REM1: variants seen among roughly 807,000 people sequenced by gnomAD.
REM1 encodes the protein RRAD and GEM like GTPase 1.
In REM1, 20 loss-of-function variants were observed where a neutral mutation model predicts 27.0. The ratio of observed to expected loss-of-function variants is 0.74; its 90% CI spans 0.52 to 1.08. The LOEUF (loss-of-function observed/expected upper bound fraction) is 1.08, where lower values mean the gene tolerates loss of function less well. REM1 is among the 50% of genes least tolerant of loss of function. The probability of loss-of-function intolerance (pLI) is 0.00; values close to 1 mark genes in which losing one functional copy is unlikely to be tolerated. For synonymous variants in REM1, 159 were observed against 167.9 expected, an observed-to-expected ratio of 0.95 and a Z score of 0.41; for missense variants, 405 against 407.0, an observed-to-expected ratio of 1.00 and a Z score of 0.04.
At chr20:31,480,242 C>G (rs1407222612) in intron 3 of REM1, among the ~76,000 whole-genome samples, 68 of 53,816 alleles carry the variant, frequency 1.3e-3, no homozygotes, top group African/African-American at 4.1e-3. Context: ...CAGATACATA[C>G]ATACACACAT....
intron 3 of REM1, 33 bp downstream of exon 3, chr20:31,477,943 G>C (rs1456394306): frequency 1.4e-6 from 2 of 1,404,396 alleles, no homozygotes; most frequent in South Asian, 1.2e-5. Flanking sequence ...TGGGGAGAGG[G>C]GTGCTGAGCC....
intron 4 of REM1, 103 bp from the exon 5 acceptor site, chr20:31,484,056 C>A: frequency 7.6e-7 from 1 of 1,307,838 alleles, no homozygotes; most frequent in Non-Finnish European, 1.0e-6. Flanking sequence ...GGCATGAGCA[C>A]AGGAAAAATT....
chr20:31,481,527 T>G (rs913460675), intron 3 of REM1, among the ~76,000 whole-genome samples: 2 of 152,104 alleles, frequency 1.3e-5, no homozygotes, highest in African/African-American at 4.8e-5. Flanking sequence ...ACTGGTACTT[T>G]CACACTACAC....
At position 31,476,524 on chromosome 20, in the gene REM1, G is replaced by C; in HGVS notation, c.79G>C (p.Gly27Arg). ...CACCCCACTGCCCCTGTCCCCACGG[G>C]GCCACCAGCCTGGCCGCCTGAGCAC... ...ASTPLPLSPRGHQPGRLSTVP... is the reference protein window; with the variant it reads ...ASTPLPLSPRRHQPGRLSTVP... Residue 27 changes from glycine (G) to arginine (R), a missense_variant, in exon 2 of 5, where the codon GGC (glycine) becomes CGC (arginine). Coordinates refer to ENST00000201979, the MANE Select transcript of REM1 (RefSeq NM_014012.6). The C allele has an allele frequency of 6.2e-7, 1 of 1,613,986 alleles. No homozygotes were observed. Among genetic ancestry groups the C allele is most frequent in the Non-Finnish European group, 8.5e-7 (1 of 1,179,962 alleles).
chr20:31,481,676 CAA>C (rs1980740393), intron 3 of REM1, among the ~76,000 whole-genome samples: 1 of 152,160 alleles, frequency 6.6e-6, no homozygotes, highest in South Asian at 2.1e-4. Flanking sequence ...GATCACCATC[CAA>C]AATATCAAAA....
rs78423334 is a variant in REM1 at position 31,481,832 on chromosome 20, G to C, written c.424-455G>C. On this transcript the variant is annotated intron_variant, in intron 3 of 4. Coordinates refer to ENST00000201979, the MANE Select transcript of REM1 (RefSeq NM_014012.6). ...CATCTTCAAAACTGTCCTGAAAAAT[G>C]CCTTCCCTCTAAAGTCAGCCTCCTG... Among the ~76,000 whole-genome samples the C allele has an allele frequency of 2.2e-4, 34 of 152,286 alleles. No homozygotes were observed. The East Asian group carries it at 6.0e-3, about 27-fold the overall frequency.
chr20:31,484,239 T>A lies in REM1; in HGVS notation c.706T>A (p.Phe236Ile), dbSNP rs749183464. 235 of 1,606,760 alleles carry A rather than the reference T, an allele frequency of 1.5e-4. 1 individual carries two copies. Among genetic ancestry groups the A allele is most frequent in the Non-Finnish European group, 1.9e-4 (225 of 1,177,790 alleles). ...GCTGCAGCACAATGTGGCCGAGCTC[T>A]TCGAGGGCGTGGTGCGCCAACTGCG... Reference protein sequence around the residue: ...ATLQHNVAELFEGVVRQLRLR... With the variant: ...ATLQHNVAELIEGVVRQLRLR... Residue 236 changes from phenylalanine to isoleucine, a missense_variant, in exon 5 of 5, where the codon TTC (phenylalanine) becomes ATC (isoleucine). By Grantham distance (21) the Phe-to-Ile change is conservative. Coordinates refer to ENST00000201979, the MANE Select transcript of REM1 (RefSeq NM_014012.6).
At chr20:31,478,903 C>T (rs183604676) in intron 3 of REM1, among the ~76,000 whole-genome samples, 32 of 151,376 alleles carry the variant, frequency 2.1e-4, no homozygotes, top group African/African-American at 2.9e-4. Flanking sequence ...GGCGCCATCT[C>T]GGCTCACTGC....
intron 3 of REM1, among the ~76,000 whole-genome samples, chr20:31,480,188 AAGATAGATAGATAGATAGAT>A (rs11467647): frequency 3.3e-5 from 5 of 150,052 alleles, no homozygotes; most frequent in Non-Finnish European, 5.9e-5. Context: ...CATCTCAATA[AAGATAGATAGATAGATAGAT>A]AGATAGATAG....
intron 2 of REM1, 67 bp downstream of exon 2, chr20:31,476,852 G>T: frequency 7.5e-7 from 1 of 1,338,268 alleles, no homozygotes; most frequent in African/African-American, 1.5e-5. Flanking sequence ...CAGGGACACA[G>T]GGCTGCCAAG....
At chr20:31,483,564 G>A (rs899978393) in intron 4 of REM1, among the ~76,000 whole-genome samples, 1 of 152,154 alleles carries the variant, frequency 6.6e-6, no homozygotes, top group African/African-American at 2.4e-5. Context: ...TTTACAATGG[G>A]ATGGGGACTA....
chr20:31,482,595 C>G (rs1980776227), intron 4 of REM1, 107 bp downstream of exon 4: 1 of 1,108,276 alleles, frequency 9.0e-7, no homozygotes, highest in East Asian at 2.6e-5. Context: ...TGCCCCTACC[C>G]TGCAGCCACT....
chr20:31,484,140 C>T lies in REM1; in HGVS notation c.626-19C>T, dbSNP rs774872348. The T allele has an allele frequency of 6.4e-6, 10 of 1,555,058 alleles. No individual in the cohort carries two copies. Among genetic ancestry groups the T allele is most frequent in the Admixed American group, 3.7e-5 (2 of 54,056 alleles). On this transcript the variant is annotated intron_variant, in intron 4 of 4. Transcript: ENST00000201979. Reference sequence around the variant, plus strand: ...TCCGTTATGGCTCCACCCCTCCTCGCCGGGCCCCGCCCCCTTAGAGGGCCG... The same window carrying T: ...TCCGTTATGGCTCCACCCCTCCTCGTCGGGCCCCGCCCCCTTAGAGGGCCG...
rs1370115811 is a variant in REM1 at position 31,484,441 on chromosome 20, C to G, written c.*11C>G. 1 of 1,474,710 alleles carries G rather than the reference C, an allele frequency of 6.8e-7. No individual in the cohort carries two copies. The highest frequency in any genetic ancestry group is 9.0e-7 in the Non-Finnish European group (1 of 1,111,078). The allele number at this position is 1,474,710 out of a possible 1,614,324, so 91.4% of individuals were successfully genotyped here. On this transcript the variant is annotated 3_prime_UTR_variant, in exon 5 of 5. Transcript: ENST00000201979. Reference sequence around the variant, plus strand: ...CTGGCCGTGCTCTGAAGCCCCCCGCCCTTCTGAGAGTTGGCGGGTCACTGA... The same window carrying G: ...CTGGCCGTGCTCTGAAGCCCCCCGCGCTTCTGAGAGTTGGCGGGTCACTGA...
chr20:31,476,936 C>T, intron 2 of REM1, 151 bp downstream of exon 2: 1 of 659,178 alleles, frequency 1.5e-6, no homozygotes, highest in South Asian at 2.1e-5. Flanking sequence ...GCACGATGCC[C>T]CCCCGCCCTC....
Position 31,484,511 on chromosome 20 carries a change from C to T in REM1, c.*81C>T. ...GGACGCCACTGCGGGGCAAAGGCGC[C>T]GTTACCTGGAGTCTGCATCATGGGT... On this transcript the variant is annotated 3_prime_UTR_variant, in exon 5 of 5. Transcript: ENST00000201979. The T allele has an allele frequency of 2.8e-6, 4 of 1,410,186 alleles. No homozygotes were observed. The highest frequency in any genetic ancestry group is 3.7e-6 in the Non-Finnish European group (4 of 1,076,196). 87.4% of individuals were successfully genotyped at this position (1,410,186 alleles called of 1,614,324 possible). A position where few individuals can be genotyped will look rare whatever the true frequency, so the allele number is the denominator to read the frequency against.
In REM1 at chr20:31,484,298, C is replaced by G; in HGVS notation, c.765C>G (p.Pro255=). 6.3e-7 allele frequency: 1 copy of G among 1,585,694 alleles called. No individual in the cohort carries two copies. Residue 255 remains proline, a synonymous_variant, in exon 5 of 5, where the codon CCC becomes CCG. Transcript: ENST00000201979. ...GCCGGGACAGTGCGGCCAAGGAACC[C>G]CCAGCACCCCGACGGCCGGCCAGCC... The part of the protein sequence containing the change: ...LRRRDSAAKE[P]PAPRRPASLA...
chr20:31,477,003 A>T (rs1980537604), intron 2 of REM1, among the ~76,000 whole-genome samples: 2 of 152,228 alleles, frequency 1.3e-5, no homozygotes, highest in Non-Finnish European at 2.9e-5. Context: ...ATTCTTGAAT[A>T]GAACAAGAAT....
At chr20:31,480,731 G>T (rs1354157699) in intron 3 of REM1, among the ~76,000 whole-genome samples, 1 of 152,118 alleles carries the variant, frequency 6.6e-6, no homozygotes, top group Non-Finnish European at 1.5e-5. Flanking sequence ...AAATATTTGT[G>T]CAATGAATGA....
Sources: allele counts gnomAD v4.1 joint callset (sites outside exome capture counted in the v4.1 genomes callset), GRCh38; gene constraint gnomAD v4.1.1; transcripts MANE v1.5; gene names NCBI Gene and HGNC (gene_info 2026-07-23, HGNC 2026-07-21).